The following CDON variants were observed in gnomAD, a reference collection of about 807,000 sequenced individuals.
CDON encodes cell adhesion molecule-related/down-regulated by oncogenes.
In CDON, 73 loss-of-function variants were observed where a neutral mutation model predicts 120.9. The ratio of observed to expected loss-of-function variants is 0.60; its 90% CI spans 0.50 to 0.73. The LOEUF (loss-of-function observed/expected upper bound fraction) is 0.73, where lower values mean the gene tolerates loss of function less well. Ranked by LOEUF, CDON falls within the 30% of genes least tolerant of loss-of-function variation. The pLI is 0.00. For synonymous variants in CDON, 566 were observed against 573.5 expected (o/e 0.99, Z 0.19); for missense variants, 1,470 against 1,587.3 (o/e 0.93, Z 1.26).
At chr11:126,035,491 G>C (rs986800215) in intron 1 of CDON, among the ~76,000 whole-genome samples, 1 of 152,102 alleles carries the variant, frequency 6.6e-6, no homozygotes, top group African/African-American at 2.4e-5. Flanking sequence ...GTTCAAACTG[G>C]TAATGGGAAT....
chr11:126,048,815 T>C (rs1468787217), intron 1 of CDON, among the ~76,000 whole-genome samples: 3 of 152,232 alleles, frequency 2.0e-5, no homozygotes, highest in African/African-American at 7.2e-5. Flanking sequence ...GCAATTCTCC[T>C]GCCTCAACCT....
rs116774126 is a variant in CDON at position 126,004,717 on chromosome 11, C to T, written c.1852-641G>A. ...ATCAGGTTGGAAATAGTACATAAAC[C>T]TTAAAATATCATCATATTAAAATAT... On this transcript the variant is annotated intron_variant, in intron 9 of 19. Coordinates refer to ENST00000531738, the MANE Select transcript of CDON (RefSeq NM_001378964.1). Among the ~76,000 whole-genome samples the T allele has an allele frequency of 3.1e-3, 478 of 152,184 alleles. 2 individuals are homozygous for T. Among genetic ancestry groups the T allele is most frequent in the African/African-American group, 0.011 (463 of 41,518 alleles).
intron 11 of CDON, among the ~76,000 whole-genome samples, chr11:125,998,648 C>T (rs1946855469): frequency 6.6e-6 from 1 of 152,220 alleles, no homozygotes. Context: ...AACAAGCAAT[C>T]TTGTGGTTGT....
chr11:126,062,015 G>A (rs1345714679), intron 1 of CDON, among the ~76,000 whole-genome samples: 1 of 152,196 alleles, frequency 6.6e-6, no homozygotes, highest in Non-Finnish European at 1.5e-5. Context: ...GAAATAAATA[G>A]CGAGCTGTAA....
intron 14 of CDON, among the ~76,000 whole-genome samples, chr11:125,991,978 A>G (rs1367378084): frequency 1.3e-5 from 2 of 152,198 alleles, no homozygotes; most frequent in African/African-American, 4.8e-5. Context: ...AGATTTGACT[A>G]GAGAATATAG....
chr11:125,961,741 G>A lies in CDON; in HGVS notation c.3614C>T (p.Pro1205Leu), dbSNP rs775150291. The A allele has an allele frequency of 7.4e-6, 12 of 1,614,022 alleles. No individual in the cohort carries two copies. The highest frequency in any genetic ancestry group is 8.5e-6 in the Non-Finnish European group (10 of 1,180,014). The change falls in exon 19 of 20, where the codon CCA becomes CTA. Residue 1205 changes from proline to leucine, a missense_variant. Physicochemically the swap from Pro to Leu is moderately conservative, Grantham distance 98. Transcript: ENST00000531738. The part of the protein sequence containing the change: ...NDVSSDGSED[P>L]AEFSRGDSCA... The stretch of plus-strand genomic sequence containing the variant: ...TTCCTGACCTCTGCTGAACTCTGCT[G>A]GATCTTCTGAGCCATCAGAGCTGAC...
chr11:125,993,384 C>T (rs199928727), intron 14 of CDON, among the ~76,000 whole-genome samples: 26 of 71,862 alleles, frequency 3.6e-4, no homozygotes, highest in African/African-American at 1.4e-3. Flanking sequence ...CACACACATG[C>T]GCGCGTGCGT....
intron 1 of CDON, among the ~76,000 whole-genome samples, chr11:126,032,351 AGT>A (rs1354910819): frequency 6.6e-6 from 1 of 152,042 alleles, no homozygotes; most frequent in East Asian, 1.9e-4. Context: ...CAGAAGGAAC[AGT>A]GTGTTTGTAG....
Position 125,994,404 on chromosome 11 carries a change from C to T in CDON, c.2545-15G>A, listed in dbSNP as rs904881119. 7.5e-7 allele frequency: 1 copy of T among 1,337,324 alleles called. No homozygotes were observed. Among genetic ancestry groups the T allele is most frequent in the Non-Finnish European group, 1.1e-6 (1 of 928,216 alleles). The allele number at this position is 1,337,324 out of a possible 1,614,324, so 82.8% of individuals were successfully genotyped here. A position where few individuals can be genotyped will look rare whatever the true frequency, so the allele number is the denominator to read the frequency against. On this transcript the variant is annotated splice_polypyrimidine_tract_variant and intron_variant, in intron 13 of 19. Coordinates refer to ENST00000531738, the MANE Select transcript of CDON (RefSeq NM_001378964.1). The stretch of plus-strand genomic sequence containing the variant: ...GATGGAATGTACTAAAAAACAGAAG[C>T]AAAGACTTGTCAAAGAGAAAAATTA...
intron 8 of CDON, 75 bp from the exon 9 acceptor site, chr11:126,006,132 C>T (rs576888669): frequency 4.1e-5 from 55 of 1,340,210 alleles, no homozygotes; most frequent in Admixed American, 3.1e-4. Flanking sequence ...TGTGACGTGA[C>T]TGCCCTCACT....
chr11:126,054,566 A>G (rs1379595866), intron 1 of CDON, among the ~76,000 whole-genome samples: 1 of 152,158 alleles, frequency 6.6e-6, no homozygotes, highest in African/African-American at 2.4e-5. Flanking sequence ...GTGTGTTGAA[A>G]TCATTCATGG....
rs774093719 is a variant in CDON, at chr11:125,989,806, T to A, written c.2651-47A>T. On this transcript the variant is annotated intron_variant, in intron 14 of 19. Transcript: ENST00000531738. ...TTTACACATCATACAGCCTAAATGA[T>A]AATGTCAATATAATTAGTTAATGTT... 10 of 1,562,410 alleles carry A rather than the reference T, an allele frequency of 6.4e-6. No individual in the cohort carries two copies. In the South Asian group the frequency reaches 1.1e-4, roughly 18 times the overall value.
chr11:125,974,493 C>T (rs955477067), intron 18 of CDON, among the ~76,000 whole-genome samples: 2 of 150,856 alleles, frequency 1.3e-5, no homozygotes, highest in Non-Finnish European at 2.9e-5. Context: ...CTCTGTTATT[C>T]TCTGAAGATG....
rs1032918110 is a variant in CDON, at chr11:125,956,840, G to A, written c.*4102C>T. On this transcript the variant is annotated 3_prime_UTR_variant, in exon 20 of 20. Coordinates refer to ENST00000531738, the MANE Select transcript of CDON (RefSeq NM_001378964.1). Reference sequence around the variant, plus strand: ...AGATTCTGTGGTTCTCACAGAGTTAGACTTTATTAGATAAGGGGTTTCGGC... The same window carrying A: ...AGATTCTGTGGTTCTCACAGAGTTAAACTTTATTAGATAAGGGGTTTCGGC... 5.1e-6 allele frequency: 5 copies of A among 986,874 alleles called. No homozygotes were observed. In the African/African-American group the frequency reaches 8.7e-5, roughly 17 times the overall value. The allele number at this position is 986,874 out of a possible 1,614,324, so 61.1% of individuals were successfully genotyped here. A position where few individuals can be genotyped will look rare whatever the true frequency, so the allele number is the denominator to read the frequency against.
chr11:125,967,302 GA>G (rs1358024623), intron 18 of CDON, among the ~76,000 whole-genome samples: 1 of 152,146 alleles, frequency 6.6e-6, no homozygotes, highest in Non-Finnish European at 1.5e-5. Context: ...CAAGCACATA[GA>G]AAATGACACA....
chr11:126,047,827 C>T (rs1948441618), intron 1 of CDON, among the ~76,000 whole-genome samples: 1 of 152,124 alleles, frequency 6.6e-6, no homozygotes, highest in South Asian at 2.1e-4. Context: ...GGTTAAAGCT[C>T]CCATTTATGT....
chr11:126,017,703 T>G (rs933268304), intron 5 of CDON, among the ~76,000 whole-genome samples: 2 of 148,332 alleles, frequency 1.3e-5, no homozygotes, highest in Non-Finnish European at 3.0e-5. Context: ...GACAGACATA[T>G]CTCTTTTTTT....
intron 1 of CDON, among the ~76,000 whole-genome samples, chr11:126,041,986 G>A (rs1673123822): frequency 6.6e-6 from 1 of 152,174 alleles, no homozygotes; most frequent in Admixed American, 6.5e-5. Flanking sequence ...CCAGGTTCAA[G>A]CGATTCTCCT....
At chr11:125,971,154 C>G (rs190443985) in intron 18 of CDON, among the ~76,000 whole-genome samples, 10 of 152,156 alleles carry the variant, frequency 6.6e-5, no homozygotes, top group Admixed American at 2.6e-4. Context: ...GGGGCCAAGG[C>G]GGGCGGATCA....
Sources: allele counts gnomAD v4.1 joint callset (sites outside exome capture counted in the v4.1 genomes callset), GRCh38; gene constraint gnomAD v4.1.1; transcripts MANE v1.5; gene names NCBI Gene and HGNC (gene_info 2026-07-23, HGNC 2026-07-21).